MED13: variants seen among roughly 807,000 people sequenced by gnomAD.
The protein encoded by MED13 is mediator complex subunit 13.
A neutral mutation model predicts 225.2 loss-of-function variants in MED13; 23 were observed. That is an observed-to-expected ratio of 0.10 (90% CI 0.07 to 0.14). The LOEUF is 0.14. Among genes scored for constraint, MED13 ranks in the 10% least tolerant of loss-of-function variants. The pLI, the probability that MED13 is intolerant of heterozygous loss-of-function variation, is 1.00. For missense variants in MED13, 2,197 were observed against 2,594.5 expected (o/e 0.85, Z 3.33); for synonymous variants, 942 against 889.2 (o/e 1.06, Z -1.06).
rs117273607 is a variant in MED13, at chr17:61,957,334, C to T, written c.5481-853G>A. Among the ~76,000 whole-genome samples, 130 of 151,732 alleles carry T rather than the reference C, an allele frequency of 8.6e-4. No individual in the cohort carries two copies. The East Asian group carries it at 0.02, about 24-fold the overall frequency. ...TTGAGATTACAGACATGAGCCACTG[C>T]GCCTGGCCCAGTAAACTTTTTATTT... On this transcript the variant is annotated intron_variant, in intron 23 of 29. Coordinates refer to ENST00000397786, the MANE Select transcript of MED13 (RefSeq NM_005121.3).
intron 10 of MED13, among the ~76,000 whole-genome samples, chr17:61,993,200 C>CTTTTTTTTTTTTTTTTTTT (rs964200883): frequency 9.3e-6 from 1 of 107,690 alleles, no homozygotes; most frequent in Non-Finnish European, 1.7e-5. Context: ...TTCTTTCTTT[C>CTTTTTTTTTTTTTTTTTTT]TTTTTTTTTT....
rs758538847 is a variant in MED13, at chr17:61,965,483, C to A, written c.4382-15G>T. The A allele has an allele frequency of 6.3e-7, 1 of 1,591,664 alleles. No individual in the cohort carries two copies. The highest frequency in any genetic ancestry group is 8.6e-7 in the Non-Finnish European group (1 of 1,168,886). ...AAGATAAGGACCTAAAGAATAAAAA[C>A]AGGTACGAAATTTAATTCTTTATTT... On this transcript the variant is annotated splice_polypyrimidine_tract_variant and intron_variant, in intron 19 of 29. Coordinates refer to ENST00000397786, the MANE Select transcript of MED13 (RefSeq NM_005121.3).
Position 61,982,765 on chromosome 17 carries a change from A to T in MED13, c.3238T>A (p.Ser1080Thr). The change falls in exon 16 of 30, where the codon TCA becomes ACA. Residue 1080 changes from serine to threonine, a missense_variant. Physicochemically the swap from Ser to Thr is moderately conservative, Grantham distance 58. Around this residue, in one of 12 missense-constraint regions of MED13, gnomAD observed 99 missense variants for 158.5 expected, o/e 0.62. Transcript: ENST00000397786. The part of the protein sequence containing the change: ...SLYVNLILSE[S>T]VMNLFKDCNF... ...CAGTCTTTAAACAAATTCATAACTG[A>T]TTCTGAAAGGATGAGGTTTACATAA... The T allele has an allele frequency of 6.2e-7, 1 of 1,614,226 alleles. No homozygotes were observed. Among genetic ancestry groups the T allele is most frequent in the Non-Finnish European group, 8.5e-7 (1 of 1,180,026 alleles).
At chr17:61,946,714 G>C (rs753140517) in intron 29 of MED13, 114 bp from the exon 30 acceptor site, 68 of 1,306,346 alleles carry the variant, frequency 5.2e-5, no homozygotes, top group Non-Finnish European at 6.3e-5. Context: ...GAGTGTAACA[G>C]AGAGTCCTTG....
At chr17:61,964,929 G>T in intron 20 of MED13, 77 bp downstream of exon 20, 1 of 1,332,144 alleles carries the variant, frequency 7.5e-7, no homozygotes, top group Non-Finnish European at 1.0e-6. Context: ...GAGTGAGACT[G>T]TGTCTCAAGA....
chr17:61,984,963 C>T (rs9913062), intron 13 of MED13, 37 bp downstream of exon 13: 8 of 1,604,424 alleles, frequency 5.0e-6, no homozygotes, highest in Admixed American at 1.7e-5. Flanking sequence ...ATTAAAAGTT[C>T]GCAAATTTAT....
rs749630693 is a variant in MED13, at chr17:61,968,044, T to C, written c.4182A>G (p.Ala1394=). Residue 1394 remains alanine (A), a synonymous_variant, in exon 18 of 30, where the codon GCA becomes GCG. Coordinates refer to ENST00000397786, the MANE Select transcript of MED13 (RefSeq NM_005121.3). ...GAKSFFRDLT[A]IYESCRLGQH... Reference sequence around the variant, plus strand: ...CTTTTTAAACACCTACCTCATATATTGCAGTAAGATCTCTAAAAAAGCTTT... The same window carrying C: ...CTTTTTAAACACCTACCTCATATATCGCAGTAAGATCTCTAAAAAAGCTTT... The C allele has an allele frequency of 6.2e-7, 1 of 1,608,126 alleles. No individual in the cohort carries two copies.
At chr17:61,968,387 GCC>G in intron 17 of MED13, 129 bp from the exon 18 acceptor site, 9 of 617,254 alleles carry the variant, frequency 1.5e-5, no homozygotes, top group Non-Finnish European at 2.2e-5. Flanking sequence ...GTGCAGTGGC[GCC>G]ATCTCGGCTC....
intron 16 of MED13, among the ~76,000 whole-genome samples, 179 bp downstream of exon 16, chr17:61,982,019 T>TTTATAATAACCA (rs2080209130): frequency 6.6e-6 from 1 of 152,236 alleles, no homozygotes; most frequent in African/African-American, 2.4e-5. Flanking sequence ...CATACTTTTA[T>TTTATAATAACCA]TGGTGAAATT....
Position 61,993,134 on chromosome 17 carries a change from G to A in MED13, c.2182-513C>T, listed in dbSNP as rs571529035. 2.6e-5 allele frequency among the ~76,000 whole-genome samples: 4 copies of A among 151,338 alleles called. No homozygotes were observed. In the East Asian group the frequency reaches 7.9e-4, roughly 30 times the overall value. ...CCCCAGAAAATATGGCTGATAAACA[G>A]TGAGAGCTGAAATTTTATCCTAAAT... On this transcript the variant is annotated intron_variant, in intron 10 of 29. Transcript: ENST00000397786.
At chr17:62,034,017 CAA>C (rs1286572091) in intron 4 of MED13, 33 bp from the exon 5 acceptor site, 1 of 1,572,582 alleles carries the variant, frequency 6.4e-7, no homozygotes, top group Non-Finnish European at 8.7e-7. Flanking sequence ...AAATAAGTAA[CAA>C]AAGACTGTTT....
In MED13 at chr17:61,956,369, G is replaced by A. The variant is rs2079944155; in HGVS notation, c.5593C>T (p.Leu1865=). The change falls in exon 24 of 30, where the codon CTA becomes TTA. Residue 1865 remains leucine, a synonymous_variant. Coordinates refer to ENST00000397786, the MANE Select transcript of MED13 (RefSeq NM_005121.3). Reference sequence around the variant, plus strand: ...AATTCTCCATGACCAATCCTTCCTAGACGACCAATTACAACTCTCCATGGC... The same window carrying A: ...AATTCTCCATGACCAATCCTTCCTAAACGACCAATTACAACTCTCCATGGC... The part of the protein sequence containing the change: ...SLPWRVVIGR[L]GRIGHGELKD... 1 of 1,613,574 alleles carries A rather than the reference G, an allele frequency of 6.2e-7. No individual in the cohort carries two copies. Among genetic ancestry groups the A allele is most frequent in the Non-Finnish European group, 8.5e-7 (1 of 1,179,842 alleles).
At chr17:61,990,871 C>T (rs1372660688) in intron 11 of MED13, among the ~76,000 whole-genome samples, 2 of 152,034 alleles carry the variant, frequency 1.3e-5, no homozygotes, top group Non-Finnish European at 2.9e-5. Context: ...ATAACAGGTG[C>T]TAACTAAGTA....
intron 6 of MED13, 71 bp downstream of exon 6, chr17:62,031,373 T>C (rs1396004443): frequency 3.2e-6 from 4 of 1,242,196 alleles, no homozygotes; most frequent in Non-Finnish European, 4.4e-6. Context: ...TCAAAATAAA[T>C]TATTTCTTAA....
chr17:61,972,076 A>G (rs530104848), intron 17 of MED13, among the ~76,000 whole-genome samples: 22 of 152,358 alleles, frequency 1.4e-4, no homozygotes, highest in Non-Finnish European at 2.8e-4. Flanking sequence ...AGGCAAATCT[A>G]CTACTTTCAT....
intron 9 of MED13, among the ~76,000 whole-genome samples, chr17:61,997,433 G>A (rs2080355975): frequency 6.6e-6 from 1 of 152,078 alleles, no homozygotes; most frequent in African/African-American, 2.4e-5. Context: ...ATCAAGTGTA[G>A]TTTTTTACCT....
At chr17:62,042,506 G>A (rs1057470383) in intron 3 of MED13, among the ~76,000 whole-genome samples, 17 of 141,172 alleles carry the variant, frequency 1.2e-4, no homozygotes, top group African/African-American at 3.7e-4. Context: ...CAGTTGCAAT[G>A]AGCCGAGATT....
intron 3 of MED13, among the ~76,000 whole-genome samples, chr17:62,043,609 T>C (rs1806858369): frequency 6.6e-6 from 1 of 152,182 alleles, no homozygotes. Context: ...CAAGTTCAAC[T>C]GGGCTTAAAC....
chr17:61,985,942 T>C (rs1207139929), intron 12 of MED13, among the ~76,000 whole-genome samples: 1 of 152,232 alleles, frequency 6.6e-6, no homozygotes, highest in Non-Finnish European at 1.5e-5. Flanking sequence ...ATAGAGTTCC[T>C]AACTTTTAGT....
Sources: gnomAD v4.1 joint callset for allele counts (sites outside exome capture counted in the v4.1 genomes callset) on GRCh38, gnomAD v4.1.1 for gene constraint, gnomAD v4.1.1 regional missense constraint, MANE v1.5 for transcripts, NCBI Gene and HGNC (gene_info 2026-07-23, HGNC 2026-07-21) for gene names.